The following FIRRM variants were observed in gnomAD, a reference collection of about 807,000 sequenced individuals.
FIRRM encodes FIGNL1 interacting regulator of recombination and mitosis.
At chr1:169,819,266 G>A in the FIRRM span, among the ~76,000 whole-genome samples, 1 of 152,314 alleles carries the variant, frequency 6.6e-6, no homozygotes, top group Non-Finnish European at 1.5e-5. Flanking sequence ...CATGGGAGTT[G>A]TATCTCTCAA....
the FIRRM span, among the ~76,000 whole-genome samples, chr1:169,814,854 G>T: frequency 6.6e-6 from 1 of 152,162 alleles, no homozygotes; most frequent in South Asian, 2.1e-4. Flanking sequence ...AGACCACATG[G>T]GGGTTGGCAC....
chr1:169,846,997 T>A, the FIRRM span, among the ~76,000 whole-genome samples: 1 of 152,260 alleles, frequency 6.6e-6, no homozygotes, highest in Admixed American at 6.5e-5. Context: ...ATTTTAGGGT[T>A]AATTTTAATA....
At chr1:169,794,395 T>C in the FIRRM span, among the ~76,000 whole-genome samples, 1 of 152,142 alleles carries the variant, frequency 6.6e-6, no homozygotes. Context: ...AAACATTTAG[T>C]CGAGAACAGC....
At chr1:169,807,235 C>T in the FIRRM span, among the ~76,000 whole-genome samples, 2 of 152,152 alleles carry the variant, frequency 1.3e-5, no homozygotes, top group Non-Finnish European at 2.9e-5. Context: ...GGATGCTTCT[C>T]TCTCCTATTT....
At chr1:169,829,755 T>C in the FIRRM span, among the ~76,000 whole-genome samples, 1 of 152,186 alleles carries the variant, frequency 6.6e-6, no homozygotes, top group African/African-American at 2.4e-5. Flanking sequence ...TCAGGTCTCT[T>C]ATAGATCTCA....
chr1:169,827,150 G>A, the FIRRM span: 1 of 1,613,662 alleles, frequency 6.2e-7, no homozygotes, highest in Non-Finnish European at 8.5e-7. Flanking sequence ...TTATCAGTCA[G>A]CTGCTCACAT....
chr1:169,847,557 T>G, the FIRRM span: 1 of 622,552 alleles, frequency 1.6e-6, no homozygotes, highest in Non-Finnish European at 2.9e-6. Flanking sequence ...TCAGGGGCTG[T>G]GGTGTGTTTG....
chr1:169,845,336 T>C, the FIRRM span, among the ~76,000 whole-genome samples: 1 of 152,230 alleles, frequency 6.6e-6, no homozygotes, highest in Admixed American at 6.5e-5. Flanking sequence ...AGGGTCTTGC[T>C]TCAGTGTGGA....
the FIRRM span, among the ~76,000 whole-genome samples, chr1:169,789,082 C>T: frequency 6.6e-6 from 1 of 152,168 alleles, no homozygotes; most frequent in Non-Finnish European, 1.5e-5. Flanking sequence ...CAACTTCTCT[C>T]CTGGGTTGCG....
chr1:169,820,179 A>G, the FIRRM span, among the ~76,000 whole-genome samples: 2 of 152,156 alleles, frequency 1.3e-5, no homozygotes, highest in African/African-American at 4.8e-5. Flanking sequence ...AGTAACAGAA[A>G]AGATAAGAAA....
the FIRRM span, among the ~76,000 whole-genome samples, chr1:169,840,528 T>C: frequency 4.0e-5 from 6 of 151,686 alleles, no homozygotes; most frequent in Admixed American, 3.3e-4. Flanking sequence ...TTTTTTTTGT[T>C]GAGACGGAGT....
the FIRRM span, among the ~76,000 whole-genome samples, chr1:169,816,703 A>G: frequency 6.6e-6 from 1 of 152,206 alleles, no homozygotes; most frequent in Non-Finnish European, 1.5e-5. Context: ...AGAAAGTGAC[A>G]TTCTTTATTT....
At chr1:169,821,750 C>T in the FIRRM span, 1 of 1,604,098 alleles carries the variant, frequency 6.2e-7, no homozygotes, top group South Asian at 1.1e-5. Context: ...CCCTTTTGCA[C>T]TACGCTAAGG....
At chr1:169,827,036 T>TC in the FIRRM span, 1 of 1,608,078 alleles carries the variant, frequency 6.2e-7, no homozygotes, top group Non-Finnish European at 8.5e-7. Context: ...GAGTTTTTTT[T>TC]CTCTCCCTTC....
chr1:169,821,650 A>G, the FIRRM span: 9 of 1,463,556 alleles, frequency 6.1e-6, no homozygotes, highest in South Asian at 2.6e-5. Context: ...CTTATTTATT[A>G]TGCTTTCTTA....
chr1:169,832,738 G>A, the FIRRM span, among the ~76,000 whole-genome samples: 1 of 151,760 alleles, frequency 6.6e-6, no homozygotes, highest in Non-Finnish European at 1.5e-5. Context: ...TGAGTAGCTG[G>A]GACTACAGGC....
chr1:169,835,381 G>A, the FIRRM span, among the ~76,000 whole-genome samples: 1 of 152,108 alleles, frequency 6.6e-6, no homozygotes, highest in Non-Finnish European at 1.5e-5. Flanking sequence ...GTATTCCATT[G>A]TATCAAGAAA....
the FIRRM span, among the ~76,000 whole-genome samples, chr1:169,790,290 G>C: frequency 2.0e-5 from 3 of 152,074 alleles, no homozygotes; most frequent in South Asian, 4.2e-4. Flanking sequence ...TGCTTCTCAC[G>C]ATTCTCTTGT....
chr1:169,837,179 T>C, the FIRRM span: 1 of 1,306,980 alleles, frequency 7.7e-7, no homozygotes, highest in Non-Finnish European at 1.0e-6. Context: ...TTTTAGGTAC[T>C]GGGGTTAGGT....
Sources: allele counts gnomAD v4.1 joint callset (sites outside exome capture counted in the v4.1 genomes callset), GRCh38; gene constraint gnomAD v4.1.1; transcripts MANE v1.5; gene names NCBI Gene and HGNC (gene_info 2026-07-23, HGNC 2026-07-21).